Variants in SENP6 observed in about 807,000 individuals in gnomAD.
The protein encoded by SENP6 is SUMO specific peptidase 6.
SENP6 carries 41 observed loss-of-function variants against 134.5 expected under a neutral mutation model. The ratio of observed to expected loss-of-function variants is 0.30; its 90% CI spans 0.24 to 0.40. SENP6 has a LOEUF of 0.40. Among genes scored for constraint, SENP6 ranks in the 10% least tolerant of loss-of-function variants. SENP6 has a pLI of 1.00. For missense variants in SENP6, 1,248 were observed against 1,312.5 expected (o/e 0.95, Z 0.76); for synonymous variants, 395 against 429.8 (o/e 0.92, Z 1.00).
chr6:75,641,432 C>T (rs961332416), intron 6 of SENP6, among the ~76,000 whole-genome samples: 9 of 152,046 alleles, frequency 5.9e-5, no homozygotes, highest in Non-Finnish European at 8.8e-5. Flanking sequence ...ATGTATTAAA[C>T]ACCTTAAGCT....
Position 75,702,664 on chromosome 6 carries a change from G to T in SENP6, c.2308G>T (p.Val770Phe), listed in dbSNP as rs916501929. The T allele has an allele frequency of 1.9e-6, 3 of 1,592,738 alleles. No individual in the cohort carries two copies. The highest frequency in any genetic ancestry group is 1.4e-5 in the African/African-American group (1 of 74,060). The change falls in exon 19 of 24, where the codon GTT (valine) becomes TTT (phenylalanine). Residue 770 changes from valine (V) to phenylalanine (F), a missense_variant. Val to Phe is a conservative substitution (Grantham distance 50). Around this residue, in one of 3 missense-constraint regions of SENP6, gnomAD observed 129 missense variants for 192.0 expected, o/e 0.67. Coordinates refer to ENST00000447266, the MANE Select transcript of SENP6 (RefSeq NM_015571.4). Reference protein sequence around the residue: ...LNEAAHWFLAVVCFPGLEKPK... With the variant: ...LNEAAHWFLAFVCFPGLEKPK... ...TTACAGTGCACACTGGTTTTTGGCT[G>T]TTGTTTGTTTCCCCGGTTTGGAAAA...
chr6:75,617,329 A>G (rs1376484110), intron 1 of SENP6, among the ~76,000 whole-genome samples: 1 of 121,256 alleles, frequency 8.2e-6, no homozygotes, highest in Admixed American at 1.2e-4. Flanking sequence ...GCTGGAGTGC[A>G]ATGGCGTGAT....
chr6:75,676,057 A>C lies in SENP6; in HGVS notation c.1621+3A>C. 6.4e-7 allele frequency: 1 copy of C among 1,568,506 alleles called. No individual in the cohort carries two copies. The highest frequency in any genetic ancestry group is 8.7e-7 in the Non-Finnish European group (1 of 1,154,128). On this transcript the variant is annotated splice_donor_region_variant and intron_variant, in intron 13 of 23. Transcript: ENST00000447266. ...TAAAGGAGTAAATAAATTAACAAGT[A>C]AGTTGTGTAAAACAGATTATAATAG...
intron 1 of SENP6, among the ~76,000 whole-genome samples, chr6:75,606,650 T>A (rs1426246331): frequency 1.3e-5 from 2 of 152,112 alleles, no homozygotes; most frequent in African/African-American, 2.4e-5. Context: ...ACATCCCAAA[T>A]TTAGAAATCC....
At chr6:75,673,600 A>G (rs149246201) in intron 11 of SENP6, among the ~76,000 whole-genome samples, 3,003 of 152,126 alleles carry the variant, frequency 0.02, 111 homozygotes, top group African/African-American at 0.068. Flanking sequence ...CTGGGATTAC[A>G]GGTGTGAGCC....
Position 75,666,865 on chromosome 6 carries a change from G to A in SENP6, c.1148G>A (p.Arg383His), listed in dbSNP as rs773071793. The change falls in exon 10 of 24, where the codon CGT becomes CAT. Residue 383 changes from arginine to histidine, a missense_variant. Arg to His is a conservative substitution (Grantham distance 29, BLOSUM62 0). This residue lies in a region of SENP6 where 733 missense variants were observed against 725.4 expected (regional missense o/e 1.01). Coordinates refer to ENST00000447266, the MANE Select transcript of SENP6 (RefSeq NM_015571.4). ...AATGAAAATACTTGCAGAGCAGAGC[G>A]TGAACTACGAAGCATTCCAGAAGAC... ...ALNENTCRAERELRSIPEDSE... is the reference protein window; with the variant it reads ...ALNENTCRAEHELRSIPEDSE... The A allele has an allele frequency of 3.1e-6, 5 of 1,613,086 alleles. No homozygotes were observed. The highest frequency in any genetic ancestry group is 2.2e-5 in the East Asian group (1 of 44,862).
intron 11 of SENP6, among the ~76,000 whole-genome samples, chr6:75,672,412 A>T (rs1333853641): frequency 1.3e-5 from 2 of 152,186 alleles, no homozygotes; most frequent in Non-Finnish European, 2.9e-5. Context: ...AAATTTAGTT[A>T]AAAAAATAAA....
intron 16 of SENP6, among the ~76,000 whole-genome samples, chr6:75,686,237 C>A (rs532246904): frequency 6.6e-6 from 1 of 151,680 alleles, no homozygotes; most frequent in South Asian, 2.1e-4. Context: ...TTTTTGTTTT[C>A]CATTTGCTTG....
At chr6:75,711,530 C>CAA in intron 21 of SENP6, 114 bp downstream of exon 21, 2 of 598,054 alleles carry the variant, frequency 3.3e-6, no homozygotes, top group Non-Finnish European at 5.6e-6. Context: ...TAAATGCTGT[C>CAA]AGAGTCAGTG....
intron 10 of SENP6, among the ~76,000 whole-genome samples, chr6:75,670,277 G>C (rs1448036635): frequency 6.6e-6 from 1 of 152,156 alleles, no homozygotes; most frequent in Non-Finnish European, 1.5e-5. Flanking sequence ...TGGTGTGGCT[G>C]TTTGAATCCA....
intron 7 of SENP6, among the ~76,000 whole-genome samples, chr6:75,653,381 T>C (rs1370100955): frequency 6.6e-6 from 1 of 152,214 alleles, no homozygotes; most frequent in Non-Finnish European, 1.5e-5. Context: ...AATCTGTTGT[T>C]AAAGTTGGGT....
At chr6:75,640,047 T>C (rs1366748022) in intron 5 of SENP6, among the ~76,000 whole-genome samples, 1 of 152,206 alleles carries the variant, frequency 6.6e-6, no homozygotes, top group Non-Finnish European at 1.5e-5. Flanking sequence ...TTATTGAATT[T>C]TTCAGATATT....
chr6:75,661,382 G>C (rs531582626), intron 8 of SENP6, among the ~76,000 whole-genome samples: 1 of 152,270 alleles, frequency 6.6e-6, no homozygotes, highest in East Asian at 1.9e-4. Context: ...AAAGGAGGAG[G>C]AAAGCTCCTC....
chr6:75,707,333 T>A (rs1775463531), intron 19 of SENP6, among the ~76,000 whole-genome samples: 1 of 150,930 alleles, frequency 6.6e-6, no homozygotes. Context: ...AAGAGGTCAT[T>A]ATTTTTTTCT....
chr6:75,618,530 A>G (rs536711862), intron 1 of SENP6, among the ~76,000 whole-genome samples: 2 of 152,284 alleles, frequency 1.3e-5, no homozygotes, highest in South Asian at 4.1e-4. Context: ...CATTTCTTCT[A>G]GGAACCCTGG....
chr6:75,709,429 C>G, intron 19 of SENP6, 98 bp from the exon 20 acceptor site: 1 of 735,232 alleles, frequency 1.4e-6, no homozygotes, highest in Non-Finnish European at 2.3e-6. Flanking sequence ...TTCTTGACTA[C>G]TGTATCATTA....
Position 75,602,426 on chromosome 6 carries a change from C to G in SENP6, c.-99C>G. 1 of 1,394,432 alleles carries G rather than the reference C, an allele frequency of 7.2e-7. No individual in the cohort carries two copies. Among genetic ancestry groups the G allele is most frequent in the Non-Finnish European group, 9.9e-7 (1 of 1,013,720 alleles). 86.4% of individuals were successfully genotyped at this position (1,394,432 alleles called of 1,614,324 possible). On this transcript the variant is annotated 5_prime_UTR_variant, in exon 1 of 24. Transcript: ENST00000447266. ...ACGGCTGAGCCCGAGGCCCGCAACC[C>G]TGCGGCGTCTACCCTCCTCCGGCGC...
intron 1 of SENP6, among the ~76,000 whole-genome samples, chr6:75,609,017 G>A (rs750175350): frequency 2.6e-5 from 4 of 152,184 alleles, no homozygotes; most frequent in African/African-American, 9.7e-5. Context: ...TACATACTTT[G>A]TATGTCTAGA....
intron 10 of SENP6, among the ~76,000 whole-genome samples, chr6:75,667,832 C>G (rs1772366592): frequency 6.6e-6 from 1 of 152,066 alleles, no homozygotes. Context: ...TAAGGTATAT[C>G]CATATGATGC....
Sources: gnomAD v4.1 joint callset for allele counts (sites outside exome capture counted in the v4.1 genomes callset) on GRCh38, gnomAD v4.1.1 for gene constraint, gnomAD v4.1.1 regional missense constraint, MANE v1.5 for transcripts, NCBI Gene and HGNC (gene_info 2026-07-23, HGNC 2026-07-21) for gene names.